KCNIP4: variants seen among roughly 807,000 people sequenced by gnomAD.
KCNIP4 encodes potassium voltage-gated channel interacting protein 4.
In KCNIP4, 12 loss-of-function variants were observed where a neutral mutation model predicts 34.0. The observed-to-expected ratio is 0.35, with a 90% CI of 0.23 to 0.57. The LOEUF is 0.57. Among genes scored for constraint, KCNIP4 ranks in the 20% least tolerant of loss-of-function variants. KCNIP4 has a pLI of 0.83. For synonymous variants in KCNIP4, 124 were observed against 102.2 expected (o/e 1.21, Z -1.29); for missense variants, 238 against 311.7 (o/e 0.76, Z 1.78).
intron 1 of KCNIP4, among the ~76,000 whole-genome samples, chr4:21,564,805 G>T (rs182376282): frequency 2.0e-5 from 3 of 151,988 alleles, no homozygotes; most frequent in African/African-American, 7.2e-5. Flanking sequence ...CAGAGGTGAC[G>T]CAGTGAGAGA....
chr4:20,994,235 AT>A (rs1737338440), intron 1 of KCNIP4, among the ~76,000 whole-genome samples: 1 of 152,106 alleles, frequency 6.6e-6, no homozygotes, highest in Non-Finnish European at 1.5e-5. Flanking sequence ...TGCCTACTAT[AT>A]AGATGTAATA....
intron 1 of KCNIP4, among the ~76,000 whole-genome samples, chr4:21,757,243 GAAAGA>G (rs145596310): frequency 0.024 from 638 of 26,054 alleles, 28 homozygotes; most frequent in Middle Eastern, 0.048. Context: ...AAGAAAGAAA[GAAAGA>G]AAAGAAAAGA....
At chr4:21,002,568 C>A (rs150243374) in intron 1 of KCNIP4, among the ~76,000 whole-genome samples, 33 of 152,196 alleles carry the variant, frequency 2.2e-4, no homozygotes, top group Admixed American at 1.9e-3. Flanking sequence ...CAATTCAGAA[C>A]GGGGTTGTCT....
At position 20,758,497 on chromosome 4, in the gene KCNIP4, G is replaced by A. The variant is rs540921778; in HGVS notation, c.358+324C>T. 2.6e-5 allele frequency among the ~76,000 whole-genome samples: 4 copies of A among 152,220 alleles called. No homozygotes were observed. The South Asian group carries it at 8.3e-4, about 32-fold the overall frequency. ...ATTTTCAGAGTTGGGAGAATCAAGTGAGACCTACAATGCATGTGAATGAGC... is the reference window on the plus strand; with the variant it reads ...ATTTTCAGAGTTGGGAGAATCAAGTAAGACCTACAATGCATGTGAATGAGC... On this transcript the variant is annotated intron_variant, in intron 4 of 8. Transcript: ENST00000382152.
intron 1 of KCNIP4, among the ~76,000 whole-genome samples, chr4:21,060,943 G>A (rs896192028): frequency 3.9e-5 from 6 of 152,156 alleles, no homozygotes; most frequent in African/African-American, 1.4e-4. Context: ...TGTACGGAAA[G>A]ATAGGGAAAC....
At chr4:21,794,127 G>A (rs1164399789) in intron 1 of KCNIP4, among the ~76,000 whole-genome samples, 3 of 152,152 alleles carry the variant, frequency 2.0e-5, no homozygotes, top group Admixed American at 2.0e-4. Flanking sequence ...CTGTCACGGG[G>A]TAGGGGGAGG....
intron 3 of KCNIP4, among the ~76,000 whole-genome samples, chr4:20,797,530 A>T (rs1422641801): frequency 6.6e-6 from 1 of 152,224 alleles, no homozygotes; most frequent in Admixed American, 6.5e-5. Context: ...AAAGCTATGT[A>T]CACTATACAG....
At chr4:21,517,623 G>A (rs1734871902) in intron 1 of KCNIP4, among the ~76,000 whole-genome samples, 1 of 151,952 alleles carries the variant, frequency 6.6e-6, no homozygotes, top group Non-Finnish European at 1.5e-5. Flanking sequence ...CCTAATACGA[G>A]TCATTACATG....
intron 1 of KCNIP4, among the ~76,000 whole-genome samples, chr4:21,006,774 T>C (rs1738597662): frequency 6.6e-6 from 1 of 152,150 alleles, no homozygotes; most frequent in South Asian, 2.1e-4. Flanking sequence ...GTCTGTGTCA[T>C]GTAACACAGC....
At chr4:21,668,727 T>A (rs1232813604) in intron 1 of KCNIP4, among the ~76,000 whole-genome samples, 1 of 152,186 alleles carries the variant, frequency 6.6e-6, no homozygotes, top group Non-Finnish European at 1.5e-5. Flanking sequence ...ACCTTAACAT[T>A]TTATATTTCA....
rs554659706 is a variant in KCNIP4 at position 21,948,313 on chromosome 4, G to C, written c.61+258C>G. On this transcript the variant is annotated intron_variant, in intron 1 of 8. Coordinates refer to ENST00000382152, the MANE Select transcript of KCNIP4 (RefSeq NM_025221.6). ...GCAAAAGTACGCACAGGATCGCAGG[G>C]GACCCTGCCACCGGCGAGTTTCAAA... Among the ~76,000 whole-genome samples, 351 of 152,264 alleles carry C rather than the reference G, an allele frequency of 2.3e-3. 1 individual carries two copies. Among genetic ancestry groups the C allele is most frequent in the African/African-American group, 7.7e-3 (318 of 41,548 alleles).
intron 1 of KCNIP4, among the ~76,000 whole-genome samples, chr4:21,655,253 T>A (rs1747829630): frequency 6.6e-6 from 1 of 152,158 alleles, no homozygotes; most frequent in South Asian, 2.1e-4. Flanking sequence ...GCTGACCATA[T>A]GCCTCGGTGG....
chr4:20,986,670 T>C (rs1736606606), intron 1 of KCNIP4, among the ~76,000 whole-genome samples: 1 of 152,236 alleles, frequency 6.6e-6, no homozygotes, highest in African/African-American at 2.4e-5. Flanking sequence ...CCTTTATTTC[T>C]ATCAGCAGAT....
intron 1 of KCNIP4, among the ~76,000 whole-genome samples, chr4:21,786,908 T>A (rs774393598): frequency 2.0e-5 from 3 of 151,870 alleles, no homozygotes; most frequent in Non-Finnish European, 2.9e-5. Flanking sequence ...CCTCATATGA[T>A]CGAGAATAAA....
chr4:21,335,264 C>T (rs1349517980), intron 1 of KCNIP4, among the ~76,000 whole-genome samples: 1 of 146,916 alleles, frequency 6.8e-6, no homozygotes, highest in Non-Finnish European at 1.5e-5. Context: ...ACTTGTGAAC[C>T]AACGGCTGCA....
chr4:20,987,299 C>T (rs966424464), intron 1 of KCNIP4, among the ~76,000 whole-genome samples: 1 of 152,080 alleles, frequency 6.6e-6, no homozygotes, highest in Non-Finnish European at 1.5e-5. Context: ...AACTTGCTAG[C>T]CCCAACCCAG....
At chr4:20,850,880 A>G in intron 2 of KCNIP4, 1 of 425,696 alleles carries the variant, frequency 2.3e-6, no homozygotes, top group South Asian at 6.0e-5. Flanking sequence ...TATTCTTGTC[A>G]TTAATGTAGA....
At chr4:21,436,447 C>A (rs114851298) in intron 1 of KCNIP4, among the ~76,000 whole-genome samples, 1 of 152,146 alleles carries the variant, frequency 6.6e-6, no homozygotes, top group Admixed American at 6.6e-5. Flanking sequence ...TTATTTCTCT[C>A]CCTTGGTGTA....
intron 1 of KCNIP4, among the ~76,000 whole-genome samples, chr4:21,333,695 A>G (rs1009520287): frequency 6.6e-6 from 1 of 151,030 alleles, no homozygotes; most frequent in African/African-American, 2.5e-5. Context: ...TAAATTAAAA[A>G]GAAAAAAAAA....
Sources: gnomAD v4.1 joint callset for allele counts (sites outside exome capture counted in the v4.1 genomes callset) on GRCh38, gnomAD v4.1.1 for gene constraint, MANE v1.5 for transcripts, NCBI Gene and HGNC (gene_info 2026-07-23, HGNC 2026-07-21) for gene names.